Variants in SCHIP1 observed in about 807,000 individuals in gnomAD.
The protein encoded by SCHIP1 is schwannomin-interacting protein 1.
In SCHIP1, 8 loss-of-function variants were observed where a neutral mutation model predicts 29.7. That is an observed-to-expected ratio of 0.27 (90% CI 0.16 to 0.49). The LOEUF is 0.49. Ranked by LOEUF, SCHIP1 falls within the 20% of genes least tolerant of loss-of-function variation. The probability of loss-of-function intolerance (pLI) is 0.99; values close to 1 mark genes in which losing one functional copy is unlikely to be tolerated. For missense variants in SCHIP1, 193 were observed against 294.6 expected, an observed-to-expected ratio of 0.66 and a Z score of 2.52; for synonymous variants, 76 against 94.9, an observed-to-expected ratio of 0.80 and a Z score of 1.16.
the SCHIP1 span, among the ~76,000 whole-genome samples, chr3:159,561,643 G>T: frequency 6.6e-6 from 1 of 152,002 alleles, no homozygotes; most frequent in Non-Finnish European, 1.5e-5. Flanking sequence ...TCGGTGTAAA[G>T]AATTCTTTCA....
At chr3:159,537,672 C>T in the SCHIP1 span, among the ~76,000 whole-genome samples, 167 of 152,222 alleles carry the variant, frequency 1.1e-3, 1 homozygote, top group African/African-American at 3.9e-3. Flanking sequence ...TACATGAGTA[C>T]AGCTACCCAA....
At chr3:159,754,057 C>G in the SCHIP1 span, among the ~76,000 whole-genome samples, 2 of 128,816 alleles carry the variant, frequency 1.6e-5, no homozygotes, top group Non-Finnish European at 3.6e-5. Context: ...TGTTCCTCCA[C>G]TAGACTTAAA....
chr3:159,680,659 TAA>T, the SCHIP1 span, among the ~76,000 whole-genome samples: 8 of 73,100 alleles, frequency 1.1e-4, no homozygotes, highest in African/African-American at 3.0e-4. Context: ...TATGTATATA[TAA>T]AATATATATT....
At chr3:159,296,293 G>A in the SCHIP1 span, among the ~76,000 whole-genome samples, 2 of 152,098 alleles carry the variant, frequency 1.3e-5, no homozygotes, top group African/African-American at 2.4e-5. Flanking sequence ...CCTATAGAGG[G>A]AGTACTTTCT....
chr3:159,607,132 T>C, the SCHIP1 span, among the ~76,000 whole-genome samples: 616 of 152,346 alleles, frequency 4.0e-3, 5 homozygotes, highest in Middle Eastern at 6.8e-3. Context: ...ATTTTCTTTC[T>C]AGTGCCATTT....
the SCHIP1 span, among the ~76,000 whole-genome samples, chr3:159,339,997 A>T: frequency 6.6e-6 from 1 of 152,130 alleles, no homozygotes; most frequent in Non-Finnish European, 1.5e-5. Context: ...GAATAATTCT[A>T]ATAACCAGGA....
the SCHIP1 span, among the ~76,000 whole-genome samples, chr3:159,502,133 T>C: frequency 1.3e-5 from 2 of 152,308 alleles, no homozygotes; most frequent in East Asian, 3.9e-4. Context: ...CATGTAATTA[T>C]AAAAGGGAAA....
chr3:159,590,797 T>C, the SCHIP1 span, among the ~76,000 whole-genome samples: 10 of 152,176 alleles, frequency 6.6e-5, no homozygotes, highest in Non-Finnish European at 1.2e-4. Context: ...GAGATTTAGG[T>C]TGGAGTTCCA....
chr3:159,546,252 C>T, the SCHIP1 span, among the ~76,000 whole-genome samples: 1 of 151,956 alleles, frequency 6.6e-6, no homozygotes, highest in East Asian at 1.9e-4. Context: ...AATATTGAAT[C>T]GAGTGGCAAT....
chr3:159,540,918 C>T, the SCHIP1 span, among the ~76,000 whole-genome samples: 1 of 151,902 alleles, frequency 6.6e-6, no homozygotes, highest in Admixed American at 6.6e-5. Flanking sequence ...ACTTGCCTGT[C>T]AAGGGAAAGA....
the SCHIP1 span, among the ~76,000 whole-genome samples, chr3:159,734,335 G>T: frequency 1.3e-5 from 2 of 150,896 alleles, no homozygotes; most frequent in Non-Finnish European, 2.9e-5. Context: ...TAGAGACGGG[G>T]TTTTACCATG....
chr3:159,785,004 A>G, the SCHIP1 span, among the ~76,000 whole-genome samples: 2 of 152,356 alleles, frequency 1.3e-5, no homozygotes, highest in East Asian at 3.9e-4. Flanking sequence ...TTATTTACAA[A>G]GCTCTATCAA....
At chr3:159,305,447 C>G in the SCHIP1 span, among the ~76,000 whole-genome samples, 1 of 152,198 alleles carries the variant, frequency 6.6e-6, no homozygotes, top group African/African-American at 2.4e-5. Context: ...TTAAATCCTG[C>G]CTTTCTTTCT....
the SCHIP1 span, among the ~76,000 whole-genome samples, chr3:159,777,717 A>G: frequency 6.6e-6 from 1 of 152,198 alleles, no homozygotes; most frequent in African/African-American, 2.4e-5. Context: ...TTCATCTGAG[A>G]CCACTTAATT....
At chr3:159,642,829 A>C in the SCHIP1 span, among the ~76,000 whole-genome samples, 2 of 152,114 alleles carry the variant, frequency 1.3e-5, no homozygotes, top group Non-Finnish European at 2.9e-5. Flanking sequence ...GAGTACAAGG[A>C]CTCAGAGACA....
chr3:159,842,545 T>C (rs538161473), intron 1 of SCHIP1, among the ~76,000 whole-genome samples: 2 of 152,316 alleles, frequency 1.3e-5, no homozygotes, highest in East Asian at 3.9e-4. Flanking sequence ...TTTATCATCC[T>C]GCTCAGAGTA....
At chr3:159,449,649 C>T in the SCHIP1 span, among the ~76,000 whole-genome samples, 2 of 152,058 alleles carry the variant, frequency 1.3e-5, no homozygotes, top group African/African-American at 4.8e-5. Context: ...CAACTTAAAC[C>T]TAAATATTTC....
At chr3:159,593,705 TGAAGAAGAA>T in the SCHIP1 span, among the ~76,000 whole-genome samples, 7 of 151,692 alleles carry the variant, frequency 4.6e-5, no homozygotes, top group African/African-American at 9.7e-5. Flanking sequence ...AGAAGAGATC[TGAAGAAGAA>T]GAAGAAGAAG....
the SCHIP1 span, among the ~76,000 whole-genome samples, chr3:159,626,147 GAT>G: frequency 8.4e-4 from 69 of 82,602 alleles, 2 homozygotes; most frequent in East Asian, 2.0e-3. Context: ...GATATATCTA[GAT>G]ATATATATAT....
Sources: gnomAD v4.1 joint callset for allele counts (sites outside exome capture counted in the v4.1 genomes callset) on GRCh38, gnomAD v4.1.1 for gene constraint, MANE v1.5 for transcripts, NCBI Gene and HGNC (gene_info 2026-07-23, HGNC 2026-07-21) for gene names.